KPNA1: variants seen among roughly 807,000 people sequenced by gnomAD.
The protein encoded by KPNA1 is importin subunit alpha-5.
In KPNA1, 10 loss-of-function variants were observed where a neutral mutation model predicts 70.5. The observed-to-expected ratio is 0.14, with a 90% CI of 0.09 to 0.24. KPNA1 has a LOEUF of 0.24. Among genes scored for constraint, KPNA1 ranks in the 10% least tolerant of loss-of-function variants. KPNA1 has a pLI of 1.00. For synonymous variants in KPNA1, 192 were observed against 221.9 expected (o/e 0.87, Z 1.20); for missense variants, 397 against 637.9 (o/e 0.62, Z 4.07).
chr3:122,449,841 G>C, intron 8 of KPNA1, 104 bp from the exon 9 acceptor site: 1 of 843,210 alleles, frequency 1.2e-6, no homozygotes, highest in South Asian at 1.9e-5. Flanking sequence ...GACTTCTAGG[G>C]TGATTTACAC....
intron 2 of KPNA1, among the ~76,000 whole-genome samples, chr3:122,487,885 T>G (rs1313700008): frequency 6.6e-6 from 1 of 152,014 alleles, no homozygotes; most frequent in Non-Finnish European, 1.5e-5. Flanking sequence ...TAAAAATGAG[T>G]AAGAGGAAAA....
At chr3:122,514,357 C>T in intron 1 of KPNA1, 1 of 152,484 alleles carries the variant, frequency 6.6e-6, no homozygotes, top group Non-Finnish European at 1.5e-5. Context: ...CAGCGCTCTG[C>T]GCGGCCCACC....
chr3:122,450,637 A>G (rs1282418597), intron 8 of KPNA1, among the ~76,000 whole-genome samples: 1 of 152,168 alleles, frequency 6.6e-6, no homozygotes, highest in East Asian at 1.9e-4. Context: ...AAAAGGGAAC[A>G]CTTTTACACT....
intron 1 of KPNA1, among the ~76,000 whole-genome samples, chr3:122,501,348 A>C (rs1388484968): frequency 6.6e-6 from 1 of 152,092 alleles, no homozygotes; most frequent in East Asian, 1.9e-4. Flanking sequence ...TAACAAAGGC[A>C]TTCACAACTA....
chr3:122,513,912 C>T (rs1041501784), intron 1 of KPNA1, among the ~76,000 whole-genome samples: 4 of 152,114 alleles, frequency 2.6e-5, no homozygotes, highest in Admixed American at 6.6e-5. Flanking sequence ...AAAATACAAA[C>T]AAAAACTCGG....
chr3:122,439,427 C>T (rs1052786273), intron 10 of KPNA1, among the ~76,000 whole-genome samples: 1 of 152,056 alleles, frequency 6.6e-6, no homozygotes, highest in South Asian at 2.1e-4. Context: ...TGGGCTCAGG[C>T]AATTCTCTCA....
chr3:122,513,459 G>A (rs1559776911), intron 1 of KPNA1, among the ~76,000 whole-genome samples: 1 of 152,054 alleles, frequency 6.6e-6, no homozygotes. Flanking sequence ...TAAAAAGGAG[G>A]GAAAAATAAC....
intron 10 of KPNA1, 75 bp downstream of exon 10, chr3:122,441,963 C>T (rs896307972): frequency 2.7e-5 from 28 of 1,041,632 alleles, no homozygotes; most frequent in African/African-American, 1.1e-4. Flanking sequence ...GAGTAAAATA[C>T]GATAATAGAA....
Position 122,507,813 on chromosome 3 carries a change from A to C in KPNA1, c.-6+6944T>G, listed in dbSNP as rs528706550. On this transcript the variant is annotated intron_variant, in intron 1 of 13. Coordinates refer to ENST00000344337, the MANE Select transcript of KPNA1 (RefSeq NM_002264.4). Reference sequence around the variant, plus strand: ...GATGACATAAAGGGTTCGTTCCCTCAGTAGTAAAAAAATTTTTAATCGCAA... The same window carrying C: ...GATGACATAAAGGGTTCGTTCCCTCCGTAGTAAAAAAATTTTTAATCGCAA... 3.9e-5 allele frequency among the ~76,000 whole-genome samples: 6 copies of C among 152,172 alleles called. No individual in the cohort carries two copies. In the South Asian group the frequency reaches 1.2e-3, roughly 32 times the overall value.
At chr3:122,458,949 A>C (rs1418744169) in intron 5 of KPNA1, among the ~76,000 whole-genome samples, 2 of 152,222 alleles carry the variant, frequency 1.3e-5, no homozygotes, top group Non-Finnish European at 2.9e-5. Flanking sequence ...GTTATTTCTC[A>C]GAGTTAGGAC....
At chr3:122,477,926 G>A (rs114683272) in intron 2 of KPNA1, among the ~76,000 whole-genome samples, 3,086 of 151,870 alleles carry the variant, frequency 0.02, 38 homozygotes, top group Middle Eastern at 0.044. Context: ...CACTTTGGGT[G>A]GTCAAGGCGG....
chr3:122,452,695 G>A (rs1020153695), intron 6 of KPNA1, among the ~76,000 whole-genome samples: 1 of 137,326 alleles, frequency 7.3e-6, no homozygotes, highest in Non-Finnish European at 1.6e-5. Context: ...GGGAGGGAGG[G>A]AGAGACGGAG....
At chr3:122,448,064 A>C (rs1400840739) in intron 9 of KPNA1, among the ~76,000 whole-genome samples, 1 of 152,224 alleles carries the variant, frequency 6.6e-6, no homozygotes, top group Non-Finnish European at 1.5e-5. Flanking sequence ...ACAATGAGAT[A>C]CTATCTCACG....
Position 122,487,631 on chromosome 3 carries a change from A to G in KPNA1, c.129+8806T>C, listed in dbSNP as rs1488544066. On this transcript the variant is annotated intron_variant, in intron 2 of 13. Transcript: ENST00000344337. The stretch of plus-strand genomic sequence containing the variant: ...AATACAGATGAACCTTGAAGTCATT[A>G]TGCTGAGTGAAATAAGTCAGTTACA... 4.6e-5 allele frequency among the ~76,000 whole-genome samples: 7 copies of G among 152,352 alleles called. No individual in the cohort carries two copies. In the South Asian group the frequency reaches 1.4e-3, roughly 32 times the overall value.
rs2076762988 is a variant in KPNA1, at chr3:122,496,492, C to T, written c.74G>A (p.Arg25His). The T allele has an allele frequency of 6.2e-7, 1 of 1,613,794 alleles. No homozygotes were observed. Among genetic ancestry groups the T allele is most frequent in the Non-Finnish European group, 8.5e-7 (1 of 1,179,712 alleles). ...KNKSLNPDEM[R>H]RRREEEGLQL... ...CAGTCCTTCTTCCTCCCTCCTCCTG[C>T]GCATCTCATCGGGATTCAGAGATTT... The change falls in exon 2 of 14, where the codon CGC becomes CAC. Residue 25 changes from arginine to histidine, a missense_variant. By Grantham distance (29) the Arg-to-His change is conservative (BLOSUM62 0). Coordinates refer to ENST00000344337, the MANE Select transcript of KPNA1 (RefSeq NM_002264.4).
At chr3:122,464,792 T>C (rs1280652947) in intron 3 of KPNA1, among the ~76,000 whole-genome samples, 2 of 152,224 alleles carry the variant, frequency 1.3e-5, no homozygotes, top group Non-Finnish European at 2.9e-5. Context: ...AGAAACAAAG[T>C]TCTTATTTCA....
intron 2 of KPNA1, among the ~76,000 whole-genome samples, chr3:122,477,062 T>C (rs2076509543): frequency 6.6e-6 from 1 of 152,012 alleles, no homozygotes; most frequent in Non-Finnish European, 1.5e-5. Context: ...AGCAAAAAAG[T>C]GTGGTCTATA....
chr3:122,497,329 G>A (rs2076775849), intron 1 of KPNA1, among the ~76,000 whole-genome samples: 1 of 151,828 alleles, frequency 6.6e-6, no homozygotes, highest in Non-Finnish European at 1.5e-5. Context: ...TTATCCATTC[G>A]CCAGCTAATG....
intron 2 of KPNA1, among the ~76,000 whole-genome samples, chr3:122,482,683 G>T (rs1194878322): frequency 6.6e-6 from 1 of 152,080 alleles, no homozygotes; most frequent in East Asian, 1.9e-4. Flanking sequence ...AAATTAAATT[G>T]CATTTCTACA....
Sources: gnomAD v4.1 joint callset for allele counts (sites outside exome capture counted in the v4.1 genomes callset) on GRCh38, gnomAD v4.1.1 for gene constraint, MANE v1.5 for transcripts, NCBI Gene and HGNC (gene_info 2026-07-23, HGNC 2026-07-21) for gene names.